Variants in PDE4B observed in about 807,000 individuals in gnomAD.
The protein encoded by PDE4B is phosphodiesterase 4B, also known as 3',5'-cyclic-AMP phosphodiesterase 4B.
In PDE4B, 20 loss-of-function variants were observed where a neutral mutation model predicts 82.2. The observed-to-expected ratio is 0.24, with a 90% CI of 0.17 to 0.35. PDE4B has a LOEUF of 0.35. PDE4B is among the 10% of genes least tolerant of loss of function. The pLI, the probability that PDE4B is intolerant of heterozygous loss-of-function variation, is 1.00. For synonymous variants in PDE4B, 320 were observed against 318.9 expected, an observed-to-expected ratio of 1.00 and a Z score of -0.04; for missense variants, 655 against 907.2, an observed-to-expected ratio of 0.72 and a Z score of 3.57.
intron 7 of PDE4B, among the ~76,000 whole-genome samples, chr1:66,287,018 A>C (rs1656724834): frequency 6.6e-6 from 1 of 152,172 alleles, no homozygotes; most frequent in East Asian, 1.9e-4. Flanking sequence ...TCAAAATGCC[A>C]TTATTAGACA....
chr1:66,142,607 A>G (rs1448017786), intron 3 of PDE4B, among the ~76,000 whole-genome samples: 4 of 152,186 alleles, frequency 2.6e-5, no homozygotes, highest in Admixed American at 2.6e-4. Flanking sequence ...GGAGGAAACA[A>G]CTTCTGGACT....
intron 3 of PDE4B, among the ~76,000 whole-genome samples, chr1:65,925,863 G>A (rs1031225410): frequency 6.6e-6 from 1 of 152,156 alleles, no homozygotes; most frequent in Admixed American, 6.5e-5. Context: ...GCTGAAACAT[G>A]ATCATAATCT....
intron 1 of PDE4B, among the ~76,000 whole-genome samples, chr1:65,799,645 T>C (rs1271685863): frequency 5.3e-5 from 8 of 152,220 alleles, no homozygotes; most frequent in African/African-American, 1.9e-4. Flanking sequence ...ACTTATTTTA[T>C]AGTCTGGGTC....
chr1:66,294,984 T>C (rs1657397262), intron 7 of PDE4B, among the ~76,000 whole-genome samples: 2 of 152,208 alleles, frequency 1.3e-5, no homozygotes, highest in South Asian at 4.1e-4. Flanking sequence ...TTGAAATCAT[T>C]TGAAGCTTCA....
chr1:65,888,593 C>G (rs1419441172), intron 1 of PDE4B, among the ~76,000 whole-genome samples: 2 of 152,004 alleles, frequency 1.3e-5, no homozygotes, highest in South Asian at 4.1e-4. Flanking sequence ...GGATGTCTTT[C>G]CATTTGTTTG....
chr1:65,888,382 GT>G (rs1646815681), intron 1 of PDE4B, among the ~76,000 whole-genome samples: 1 of 152,046 alleles, frequency 6.6e-6, no homozygotes, highest in African/African-American at 2.4e-5. Flanking sequence ...AGGTAATGTG[GT>G]GCCTCCAGCT....
intron 3 of PDE4B, among the ~76,000 whole-genome samples, chr1:66,085,980 A>G (rs1206048006): frequency 6.6e-6 from 1 of 152,080 alleles, no homozygotes; most frequent in Non-Finnish European, 1.5e-5. Context: ...AAAACGTTTG[A>G]ACCAAAGCAA....
chr1:65,849,258 C>T (rs1287322760), intron 1 of PDE4B, among the ~76,000 whole-genome samples: 1 of 152,134 alleles, frequency 6.6e-6, no homozygotes, highest in Non-Finnish European at 1.5e-5. Context: ...GAGAGATACT[C>T]AAGGAGGGGT....
intron 7 of PDE4B, among the ~76,000 whole-genome samples, chr1:66,312,608 C>G (rs1319769200): frequency 1.3e-5 from 2 of 152,218 alleles, no homozygotes; most frequent in African/African-American, 4.8e-5. Flanking sequence ...AACTTAACTC[C>G]ATCTGCTACC....
chr1:66,322,741 G>T (rs1659497963), intron 7 of PDE4B, among the ~76,000 whole-genome samples: 1 of 151,704 alleles, frequency 6.6e-6, no homozygotes, highest in Non-Finnish European at 1.5e-5. Flanking sequence ...CAGGAATTTT[G>T]GGGGGACACA....
intron 3 of PDE4B, among the ~76,000 whole-genome samples, chr1:66,238,494 C>A (rs1652639495): frequency 6.6e-6 from 1 of 152,088 alleles, no homozygotes. Context: ...TGGAGTTGGG[C>A]ACAGTGGAAG....
chr1:66,172,916 A>G (rs577419216), intron 3 of PDE4B, among the ~76,000 whole-genome samples: 1 of 152,328 alleles, frequency 6.6e-6, no homozygotes, highest in Admixed American at 6.5e-5. Context: ...TTTGGTATGT[A>G]CTTAGTACTT....
At chr1:66,138,559 G>T (rs1570322626) in intron 3 of PDE4B, among the ~76,000 whole-genome samples, 1 of 152,046 alleles carries the variant, frequency 6.6e-6, no homozygotes, top group Non-Finnish European at 1.5e-5. Flanking sequence ...AATAATATGG[G>T]CCATCATGAA....
At chr1:65,967,703 G>A (rs1400965397) in intron 3 of PDE4B, among the ~76,000 whole-genome samples, 1 of 152,142 alleles carries the variant, frequency 6.6e-6, no homozygotes, top group Non-Finnish European at 1.5e-5. Flanking sequence ...AAAAGGATGA[G>A]TTCATGTCCT....
rs59069739 is a variant in PDE4B, at chr1:66,342,730, CA to C, written c.747+10123del. ...GGGCAACAAGAGTGAAACTCCATCT[CA>C]AAAAAAAAAAAACAAAACAAAGCTA... On this transcript the variant is annotated intron_variant, in intron 8 of 16. Coordinates refer to ENST00000341517, the MANE Select transcript of PDE4B (RefSeq NM_002600.4). 3.5e-3 allele frequency among the ~76,000 whole-genome samples: 376 copies of C among 108,308 alleles called. 1 individual carries two copies. Among genetic ancestry groups the C allele is most frequent in the Middle Eastern group, 0.018 (3 of 168 alleles). 71.1% of individuals were successfully genotyped at this position (108,308 alleles called of 152,430 possible).
At chr1:65,869,191 A>G (rs1417022911) in intron 1 of PDE4B, among the ~76,000 whole-genome samples, 1 of 152,236 alleles carries the variant, frequency 6.6e-6, no homozygotes, top group Non-Finnish European at 1.5e-5. Flanking sequence ...TCCGTTTCAG[A>G]TACAATCTAT....
At chr1:65,876,672 C>T (rs997005029) in intron 1 of PDE4B, among the ~76,000 whole-genome samples, 1 of 152,036 alleles carries the variant, frequency 6.6e-6, no homozygotes, top group Admixed American at 6.6e-5. Context: ...ATTTATGACA[C>T]ATTGTATGTA....
intron 3 of PDE4B, among the ~76,000 whole-genome samples, chr1:66,166,150 G>A (rs756800292): frequency 3.6e-4 from 55 of 152,188 alleles, no homozygotes; most frequent in African/African-American, 1.2e-3. Context: ...TGGGGGAATC[G>A]CCTTTTCAAC....
chr1:65,861,221 T>C (rs1371929710), intron 1 of PDE4B, among the ~76,000 whole-genome samples: 2 of 152,208 alleles, frequency 1.3e-5, no homozygotes, highest in Non-Finnish European at 2.9e-5. Flanking sequence ...AGTTAATTTT[T>C]GTATGAGGTA....
Sources: gnomAD v4.1 joint callset for allele counts (sites outside exome capture counted in the v4.1 genomes callset) on GRCh38, gnomAD v4.1.1 for gene constraint, MANE v1.5 for transcripts, NCBI Gene and HGNC (gene_info 2026-07-23, HGNC 2026-07-21) for gene names.